RBMS2: variants seen among roughly 807,000 people sequenced by gnomAD.
RBMS2 encodes the protein RNA binding motif single stranded interacting protein 2.
In RBMS2, 38 loss-of-function variants were observed where a neutral mutation model predicts 58.4. That is an observed-to-expected ratio of 0.65 (90% CI 0.50 to 0.85). The LOEUF (loss-of-function observed/expected upper bound fraction) is 0.85, where lower values mean the gene tolerates loss of function less well. RBMS2 is among the 40% of genes least tolerant of loss of function. The pLI is 0.00. For missense variants in RBMS2, 367 were observed against 503.7 expected, an observed-to-expected ratio of 0.73 and a Z score of 2.60; for synonymous variants, 151 against 180.7, an observed-to-expected ratio of 0.84 and a Z score of 1.32.
rs1885163647 is a variant in RBMS2, at chr12:56,589,654, T to C, written c.*521T>C. On this transcript the variant is annotated 3_prime_UTR_variant, in exon 14 of 14. Transcript: ENST00000262031. ...TTTTTTGATGCATGTGTGTATGTGTTTTAAAAAGTATGCAGGCTCTAAAAA... is the reference window on the plus strand; with the variant it reads ...TTTTTTGATGCATGTGTGTATGTGTCTTAAAAAGTATGCAGGCTCTAAAAA... The C allele has an allele frequency of 6.3e-6, 1 of 158,158 alleles. No homozygotes were observed. The highest frequency in any genetic ancestry group is 1.4e-5 in the Non-Finnish European group (1 of 71,820). 9.8% of individuals were successfully genotyped at this position (158,158 alleles called of 1,614,324 possible). A position where few individuals can be genotyped will look rare whatever the true frequency, so the allele number is the denominator to read the frequency against.
chr12:56,577,761 C>A (rs934507116), intron 5 of RBMS2, among the ~76,000 whole-genome samples: 2 of 151,924 alleles, frequency 1.3e-5, no homozygotes, highest in African/African-American at 4.8e-5. Context: ...TGGCTCATGG[C>A]AACCTCTGCC....
Position 56,571,839 on chromosome 12 carries a change from G to T in RBMS2, c.526G>T (p.Gly176Cys). 6.4e-7 allele frequency: 1 copy of T among 1,565,422 alleles called. No homozygotes were observed. The highest frequency in any genetic ancestry group is 1.9e-5 in the Admixed American group (1 of 51,866). The change falls in exon 5 of 14, where the codon GGT becomes TGT. Residue 176 changes from glycine (G) to cysteine (C), a missense_variant. Transcript: ENST00000262031. Reference sequence around the variant, plus strand: ...TCGAGATACCAGTGGGACCAGCAGAGGTGTTGGCTTTGCAAGGTGAGGATG... The same window carrying T: ...TCGAGATACCAGTGGGACCAGCAGATGTGTTGGCTTTGCAAGGTGAGGATG... ...ILRDTSGTSR[G>C]VGFARMESTE...
chr12:56,589,393 C>T lies in RBMS2; in HGVS notation c.*260C>T, dbSNP rs1024352916. On this transcript the variant is annotated 3_prime_UTR_variant, in exon 14 of 14. Coordinates refer to ENST00000262031, the MANE Select transcript of RBMS2 (RefSeq NM_002898.4). ...ATTCAAGGAGATCAAAAAAACTTTT[C>T]TTCTTTTGCAAAGAAAGCTTTTTGT... The T allele has an allele frequency of 1.0e-5, 10 of 972,602 alleles. No individual in the cohort carries two copies. In the African/African-American group the frequency reaches 1.7e-4, roughly 17 times the overall value. The allele number at this position is 972,602 out of a possible 1,614,324, so 60.2% of individuals were successfully genotyped here.
At chr12:56,586,067 G>A (rs1185841893) in intron 9 of RBMS2, among the ~76,000 whole-genome samples, 2 of 151,466 alleles carry the variant, frequency 1.3e-5, no homozygotes, top group African/African-American at 4.9e-5. Context: ...GGTGGCTCAC[G>A]CCTGTAATCC....
intron 1 of RBMS2, among the ~76,000 whole-genome samples, chr12:56,554,755 T>A (rs1478901026): frequency 6.6e-6 from 1 of 152,030 alleles, no homozygotes; most frequent in Non-Finnish European, 1.5e-5. Context: ...AATAAATAAA[T>A]AAAATAAAAT....
chr12:56,521,502 GTTTTTT>G (rs68129205), upstream of RBMS2, among the ~76,000 whole-genome samples: 1 of 73,166 alleles, frequency 1.4e-5, no homozygotes, highest in African/African-American at 5.5e-5. Flanking sequence ...CTCTAACTCT[GTTTTTT>G]TTTTTTTTTT....
intron 1 of RBMS2, among the ~76,000 whole-genome samples, chr12:56,535,494 CAAAAAAA>C (rs59905092): frequency 4.1e-5 from 4 of 97,738 alleles, no homozygotes; most frequent in Non-Finnish European, 7.9e-5. Context: ...GACTCCATCT[CAAAAAAA>C]AAAAAAAAAA....
intron 1 of RBMS2, among the ~76,000 whole-genome samples, chr12:56,552,428 T>C (rs1395376098): frequency 1.3e-5 from 2 of 152,166 alleles, no homozygotes; most frequent in Non-Finnish European, 2.9e-5. Flanking sequence ...ATTTAGCATA[T>C]AAAGATGTGT....
chr12:56,578,872 G>T (rs1883509817), intron 5 of RBMS2, among the ~76,000 whole-genome samples: 1 of 152,148 alleles, frequency 6.6e-6, no homozygotes, highest in African/African-American at 2.4e-5. Context: ...GCTGAGGTAG[G>T]AGAATCGTTT....
chr12:56,569,134 C>G, intron 3 of RBMS2, 101 bp downstream of exon 3: 1 of 1,052,624 alleles, frequency 9.5e-7, no homozygotes, highest in Non-Finnish European at 1.4e-6. Context: ...ACAGTGTCAG[C>G]GAGAAGTCCC....
At chr12:56,564,866 CAGG>C (rs1429271640) in intron 2 of RBMS2, among the ~76,000 whole-genome samples, 1 of 152,062 alleles carries the variant, frequency 6.6e-6, no homozygotes, top group Admixed American at 6.6e-5. Context: ...CCCAGCTACT[CAGG>C]AGGCTGAGGC....
intron 1 of RBMS2, among the ~76,000 whole-genome samples, chr12:56,538,173 C>T (rs1346033973): frequency 6.6e-6 from 1 of 151,844 alleles, no homozygotes; most frequent in Non-Finnish European, 1.5e-5. Flanking sequence ...GCTGGGATTA[C>T]AGACGTGCAC....
intron 1 of RBMS2, among the ~76,000 whole-genome samples, chr12:56,538,649 T>C (rs1316470310): frequency 6.6e-6 from 1 of 151,430 alleles, no homozygotes; most frequent in Non-Finnish European, 1.5e-5. Flanking sequence ...GCCCGGCTAA[T>C]TTTTGTATTT....
chr12:56,588,196 G>T, intron 11 of RBMS2, 98 bp from the exon 12 acceptor site: 1 of 929,142 alleles, frequency 1.1e-6, no homozygotes, highest in East Asian at 2.4e-5. Flanking sequence ...AATCTCTGGG[G>T]TAGAATACAG....
In RBMS2 at chr12:56,569,899, G is replaced by T; in HGVS notation, c.293G>T (p.Gly98Val). The T allele has an allele frequency of 1.2e-5, 19 of 1,611,568 alleles. No individual in the cohort carries two copies. Among genetic ancestry groups the T allele is most frequent in the Non-Finnish European group, 1.6e-5 (19 of 1,177,748 alleles). The change falls in exon 4 of 14, where the codon GGC becomes GTC. Residue 98 changes from glycine (G) to valine (V), a missense_variant and splice_region_variant. Physicochemically the swap from Gly to Val is moderately radical, Grantham distance 109. This residue lies in a region of RBMS2 where 93 missense variants were observed against 132.2 expected (regional missense o/e 0.70). Coordinates refer to ENST00000262031, the MANE Select transcript of RBMS2 (RefSeq NM_002898.4). The stretch of plus-strand genomic sequence containing the variant: ...AGTGATGCTGTTTCCTCTGTTCCAG[G>T]CTATGGCTTTGTAGATTTTGACAGC... ...ILDKTTNKCK[G>V]YGFVDFDSPS...
chr12:56,544,568 C>T (rs983964956), intron 1 of RBMS2, among the ~76,000 whole-genome samples: 5 of 151,920 alleles, frequency 3.3e-5, no homozygotes, highest in Admixed American at 1.3e-4. Context: ...GTTGGAATGT[C>T]TTCTTCTGTC....
At chr12:56,560,175 G>A (rs1307871264) in intron 1 of RBMS2, among the ~76,000 whole-genome samples, 1 of 151,690 alleles carries the variant, frequency 6.6e-6, no homozygotes, top group African/African-American at 2.4e-5. Flanking sequence ...GATTACAGGT[G>A]TGAGCCACCG....
chr12:56,535,275 G>A (rs1016723399), intron 1 of RBMS2, among the ~76,000 whole-genome samples: 2 of 151,954 alleles, frequency 1.3e-5, no homozygotes, highest in African/African-American at 4.8e-5. Flanking sequence ...TGAGCAGATT[G>A]CTTGAGCTCA....
At chr12:56,567,027 G>A (rs553636184) in intron 2 of RBMS2, among the ~76,000 whole-genome samples, 1 of 152,128 alleles carries the variant, frequency 6.6e-6, no homozygotes, top group Non-Finnish European at 1.5e-5. Flanking sequence ...GGATAGTAAA[G>A]CCACTAACCT....
Sources: allele counts gnomAD v4.1 joint callset (sites outside exome capture counted in the v4.1 genomes callset), GRCh38; gene constraint gnomAD v4.1.1; regional missense constraint gnomAD v4.1.1; transcripts MANE v1.5; gene names NCBI Gene and HGNC (gene_info 2026-07-23, HGNC 2026-07-21).